MDFIC: variants seen among roughly 807,000 people sequenced by gnomAD.
The protein encoded by MDFIC is MyoD family inhibitor domain containing, also known as myoD family inhibitor domain-containing protein.
Under a neutral mutation model 23.2 loss-of-function variants are expected in MDFIC, and 17 were observed. The observed-to-expected ratio is 0.73, with a 90% confidence interval of 0.50 to 1.10. MDFIC has a LOEUF of 1.10. MDFIC is among the 50% of genes least tolerant of loss of function. MDFIC has a pLI of 0.00. For synonymous variants in MDFIC, 120 were observed against 115.2 expected (o/e 1.04, Z -0.27); for missense variants, 356 against 316.6 (o/e 1.12, Z -0.95).
chr7:115,014,124 G>T (rs1791742568), intron 4 of MDFIC: 2 of 985,292 alleles, frequency 2.0e-6, no homozygotes, highest in Non-Finnish European at 2.4e-6. Flanking sequence ...GCCAAGTGGA[G>T]TGTATGACTT....
intron 4 of MDFIC, among the ~76,000 whole-genome samples, chr7:115,011,876 C>T (rs12667516): frequency 0.052 from 7,931 of 152,258 alleles, 608 homozygotes; most frequent in Admixed American, 0.2. Context: ...TGGTTTCTTC[C>T]GCCTTTCTGT....
Position 114,922,281 on chromosome 7 carries a change from T to G in MDFIC, c.-463T>G. The G allele has an allele frequency of 1.8e-5, 14 of 770,422 alleles. No homozygotes were observed. The highest frequency in any genetic ancestry group is 1.9e-5 in the Non-Finnish European group (11 of 568,194). 47.7% of individuals were successfully genotyped at this position (770,422 alleles called of 1,614,324 possible). ...GAGTTCGAGGCCTTCCCGATCCGGATGTGATGAAAAAGAGCAACAGAGGGA... is the reference window on the plus strand; with the variant it reads ...GAGTTCGAGGCCTTCCCGATCCGGAGGTGATGAAAAAGAGCAACAGAGGGA... On this transcript the variant is annotated 5_prime_UTR_variant, in exon 1 of 5. An upstream start codon of the reference 5' UTR is lost. Coordinates refer to ENST00000393486, the MANE Select transcript of MDFIC (RefSeq NM_001166345.3).
At chr7:114,942,146 A>G in intron 2 of MDFIC, 129 bp from the exon 3 acceptor site, 3 of 473,796 alleles carry the variant, frequency 6.3e-6, no homozygotes, top group Non-Finnish European at 1.0e-5. Flanking sequence ...GCAGCAGGCA[A>G]TAGAGGTATA....
At chr7:114,986,432 C>T in intron 4 of MDFIC, among the ~76,000 whole-genome samples, 1 of 152,094 alleles carries the variant, frequency 6.6e-6, no homozygotes, top group Non-Finnish European at 1.5e-5. Context: ...CAGAATTGGG[C>T]AGGGCAATTA....
chr7:114,990,738 T>C (rs1472408111), intron 4 of MDFIC, among the ~76,000 whole-genome samples: 1 of 152,188 alleles, frequency 6.6e-6, no homozygotes, highest in Non-Finnish European at 1.5e-5. Flanking sequence ...TTTCTTAATC[T>C]AGTCTGTCAC....
At position 114,922,430 on chromosome 7, in the gene MDFIC, G is replaced by C. The variant is rs1185802384; in HGVS notation, c.-314G>C. The C allele has an allele frequency of 4.0e-6, 5 of 1,241,494 alleles. No homozygotes were observed. The African/African-American group carries it at 7.8e-5, about 19-fold the overall frequency. The allele number at this position is 1,241,494 out of a possible 1,614,324, so 76.9% of individuals were successfully genotyped here. A position where few individuals can be genotyped will look rare whatever the true frequency, so the allele number is the denominator to read the frequency against. On this transcript the variant is annotated 5_prime_UTR_variant, in exon 1 of 5. Coordinates refer to ENST00000393486, the MANE Select transcript of MDFIC (RefSeq NM_001166345.3). ...AGAGGGGGCGGAGTGCGCGGAGTCA[G>C]AGCCGCCACCGCTGCCGCAGTTGCC...
chr7:114,946,686 T>C (rs1197860717), intron 3 of MDFIC, among the ~76,000 whole-genome samples: 1 of 152,184 alleles, frequency 6.6e-6, no homozygotes, highest in East Asian at 1.9e-4. Flanking sequence ...GCTCTCATAA[T>C]AGTAAGCACT....
At chr7:114,951,479 G>C (rs1375160240) in intron 3 of MDFIC, among the ~76,000 whole-genome samples, 2 of 152,094 alleles carry the variant, frequency 1.3e-5, no homozygotes, top group Non-Finnish European at 2.9e-5. Flanking sequence ...TGTATATATA[G>C]ATACATATGT....
intron 3 of MDFIC, among the ~76,000 whole-genome samples, chr7:114,977,099 C>T (rs1394246058): frequency 6.6e-6 from 1 of 152,070 alleles, no homozygotes; most frequent in Admixed American, 6.6e-5. Flanking sequence ...AAGTATAGCA[C>T]AGTAAAATTT....
chr7:114,982,809 G>A (rs62470665), intron 4 of MDFIC, among the ~76,000 whole-genome samples: 41,343 of 152,170 alleles, frequency 0.27, 6,783 homozygotes, highest in Non-Finnish European at 0.38. Context: ...TGGCAGGTTA[G>A]GTTGTCTGGA....
In MDFIC at chr7:115,015,773, C is replaced by T; in HGVS notation, c.579C>T (p.Gly193=). 6.2e-7 allele frequency: 1 copy of T among 1,614,200 alleles called. No homozygotes were observed. Among genetic ancestry groups the T allele is most frequent in the Non-Finnish European group, 8.5e-7 (1 of 1,180,036 alleles). ...TTGTCCTGGGACAAGCGTCATGTGG[C>T]ATCTGCACCTCAGAAGCCTGCTGCT... ...CNIVLGQASC[G]ICTSEACCCC... Residue 193 remains glycine (G), a synonymous_variant, in exon 5 of 5, where the codon GGC becomes GGT. Coordinates refer to ENST00000393486, the MANE Select transcript of MDFIC (RefSeq NM_001166345.3).
intron 3 of MDFIC, among the ~76,000 whole-genome samples, chr7:114,971,265 C>T (rs1405368014): frequency 6.6e-6 from 1 of 152,148 alleles, no homozygotes; most frequent in Non-Finnish European, 1.5e-5. Context: ...GCTGATTTTT[C>T]AGGTTAGGAT....
chr7:114,923,803 G>A, intron 2 of MDFIC: 2 of 446,466 alleles, frequency 4.5e-6, no homozygotes, highest in Non-Finnish European at 6.9e-6. Context: ...TATACTTTAG[G>A]TTTCCATTGG....
chr7:114,938,180 T>C (rs2115740764), intron 2 of MDFIC, among the ~76,000 whole-genome samples: 1 of 152,290 alleles, frequency 6.6e-6, no homozygotes, highest in East Asian at 1.9e-4. Flanking sequence ...GGTCTCGAAC[T>C]CCTGACCTCA....
chr7:114,973,446 G>A (rs928234092), intron 3 of MDFIC, among the ~76,000 whole-genome samples: 7 of 152,106 alleles, frequency 4.6e-5, no homozygotes, highest in African/African-American at 1.7e-4. Context: ...AATCCTAAAA[G>A]TGGCAGAAAT....
intron 3 of MDFIC, among the ~76,000 whole-genome samples, chr7:114,975,561 CTTT>C (rs5886744): frequency 3.4e-5 from 5 of 147,578 alleles, no homozygotes; most frequent in East Asian, 2.0e-4. Flanking sequence ...TATTAGCATG[CTTT>C]TTTTTTTTTT....
At chr7:114,960,465 C>CT (rs1053640611) in intron 3 of MDFIC, among the ~76,000 whole-genome samples, 5 of 151,968 alleles carry the variant, frequency 3.3e-5, no homozygotes, top group Admixed American at 6.6e-5. Context: ...GTACCATGGC[C>CT]TTTTTTTAAT....
At chr7:115,007,630 G>GTGTA (rs369718965) in intron 4 of MDFIC, among the ~76,000 whole-genome samples, 24 of 132,944 alleles carry the variant, frequency 1.8e-4, no homozygotes, top group South Asian at 1.3e-3. Context: ...GCGTGTGTGT[G>GTGTA]TATATATATA....
intron 4 of MDFIC, among the ~76,000 whole-genome samples, chr7:115,011,837 C>T (rs1791688399): frequency 1.3e-5 from 2 of 152,232 alleles, no homozygotes; most frequent in Non-Finnish European, 1.5e-5. Flanking sequence ...ACACCAGTCA[C>T]ATCCAATCTC....
Sources: gnomAD v4.1 joint callset for allele counts (sites outside exome capture counted in the v4.1 genomes callset) on GRCh38, gnomAD v4.1.1 for gene constraint, MANE v1.5 for transcripts, NCBI Gene and HGNC (gene_info 2026-07-23, HGNC 2026-07-21) for gene names.